The following SPRR2G variants were observed in gnomAD, a reference collection of about 807,000 sequenced individuals.
SPRR2G encodes the protein small proline-rich protein 2G.
Under a neutral mutation model 0.7 loss-of-function variants are expected in SPRR2G, and 1 was observed. The ratio of observed to expected loss-of-function variants is 1.49; its 90% CI spans 0.53 to 7.06. The LOEUF (loss-of-function observed/expected upper bound fraction) is 7.06, where lower values mean the gene tolerates loss of function less well. SPRR2G is among the 30% of genes most tolerant of loss of function. SPRR2G has a pLI of 0.14. For missense variants in SPRR2G, 96 were observed against 88.5 expected (o/e 1.09, Z -0.34); for synonymous variants, 38 against 33.9 (o/e 1.12, Z -0.42).
chr1:153,172,898 T>G, the SPRR2G span, among the ~76,000 whole-genome samples: 3 of 152,314 alleles, frequency 2.0e-5, no homozygotes, highest in African/African-American at 4.8e-5. Flanking sequence ...CAGTGACCAC[T>G]TTTTTCAAGG....
At chr1:153,202,241 A>G in the SPRR2G span, among the ~76,000 whole-genome samples, 2 of 152,282 alleles carry the variant, frequency 1.3e-5, no homozygotes, top group African/African-American at 2.4e-5. Flanking sequence ...GAAACTGCAC[A>G]TGTGACCCAT....
At chr1:153,191,505 A>G in the SPRR2G span, 1 of 152,132 alleles carries the variant, frequency 6.6e-6, no homozygotes. Context: ...AAAAATTAAA[A>G]CTAGAAAATA....
At chr1:153,187,248 C>G in the SPRR2G span, among the ~76,000 whole-genome samples, 10 of 152,134 alleles carry the variant, frequency 6.6e-5, no homozygotes, top group Non-Finnish European at 1.3e-4. Flanking sequence ...GTTGGCCTGC[C>G]TTGCTAGGTT....
At chr1:153,153,981 A>G (rs1557934422), upstream of SPRR2G, among the ~76,000 whole-genome samples, 1 of 152,102 alleles carries the variant, frequency 6.6e-6, no homozygotes, top group East Asian at 1.9e-4. Context: ...TATTATGTTG[A>G]GATACATTTC....
the SPRR2G span, among the ~76,000 whole-genome samples, chr1:153,181,980 T>A: frequency 1.1e-4 from 16 of 152,146 alleles, no homozygotes; most frequent in Non-Finnish European, 7.4e-5. Context: ...TATTTTTAGT[T>A]ATTTCAGAAA....
At chr1:153,166,090 A>G in the SPRR2G span, among the ~76,000 whole-genome samples, 24 of 152,272 alleles carry the variant, frequency 1.6e-4, no homozygotes, top group African/African-American at 5.8e-4. Context: ...AGCCATCCCT[A>G]GTGCCTCACA....
chr1:153,157,508 C>A, the SPRR2G span, among the ~76,000 whole-genome samples: 1 of 152,098 alleles, frequency 6.6e-6, no homozygotes, highest in African/African-American at 2.4e-5. Flanking sequence ...TATATAAAAA[C>A]TCATGCACAT....
chr1:153,172,716 CTG>C, the SPRR2G span, among the ~76,000 whole-genome samples: 1 of 152,182 alleles, frequency 6.6e-6, no homozygotes. Flanking sequence ...AAAAGTTTGA[CTG>C]TGCTTGGGAT....
chr1:153,180,288 A>G, the SPRR2G span, among the ~76,000 whole-genome samples: 1 of 152,106 alleles, frequency 6.6e-6, no homozygotes, highest in East Asian at 1.9e-4. Context: ...GCCCCCAAAC[A>G]TTAACTTTTT....
upstream of SPRR2G, among the ~76,000 whole-genome samples, chr1:153,152,132 G>A (rs1313294393): frequency 2.6e-5 from 4 of 152,186 alleles, no homozygotes; most frequent in East Asian, 7.7e-4. Flanking sequence ...TACATAGTGG[G>A]TCTTCTAAGA....
the SPRR2G span, among the ~76,000 whole-genome samples, chr1:153,160,141 A>C: frequency 6.6e-6 from 1 of 152,232 alleles, no homozygotes; most frequent in Admixed American, 6.5e-5. Flanking sequence ...AACTTCACAT[A>C]ATAGAATCAT....
the SPRR2G span, among the ~76,000 whole-genome samples, chr1:153,168,380 G>A: frequency 6.6e-6 from 1 of 152,170 alleles, no homozygotes; most frequent in Admixed American, 6.5e-5. Context: ...ACTCAGCACA[G>A]AGCTTCAGTT....
the SPRR2G span, among the ~76,000 whole-genome samples, chr1:153,157,492 A>T: frequency 6.6e-6 from 1 of 152,188 alleles, no homozygotes; most frequent in Non-Finnish European, 1.5e-5. Context: ...ATTGAGGTAT[A>T]ATTGATATAT....
At chr1:153,201,157 T>C in the SPRR2G span, among the ~76,000 whole-genome samples, 1 of 152,194 alleles carries the variant, frequency 6.6e-6, no homozygotes, top group Non-Finnish European at 1.5e-5. Flanking sequence ...TCAGTAGTAG[T>C]TCCTTCCAGC....
At chr1:153,182,197 G>A in the SPRR2G span, among the ~76,000 whole-genome samples, 1 of 151,942 alleles carries the variant, frequency 6.6e-6, no homozygotes, top group Non-Finnish European at 1.5e-5. Context: ...TATACTTGTT[G>A]GCCATTTGTA....
the SPRR2G span, among the ~76,000 whole-genome samples, chr1:153,186,782 T>G: frequency 3.0e-4 from 46 of 152,348 alleles, no homozygotes; most frequent in African/African-American, 1.1e-3. Flanking sequence ...TAATACAGAT[T>G]CTTCATAGTG....
At chr1:153,201,882 G>T in the SPRR2G span, among the ~76,000 whole-genome samples, 2 of 152,200 alleles carry the variant, frequency 1.3e-5, no homozygotes, top group Admixed American at 1.3e-4. Flanking sequence ...ACCCAAGAGG[G>T]TTGACTCTAA....
chr1:153,160,926 T>TTATG, the SPRR2G span, among the ~76,000 whole-genome samples: 1 of 150,970 alleles, frequency 6.6e-6, no homozygotes. Context: ...AAATGATGAG[T>TTATG]CCATGTCCTT....
chr1:153,151,473 G>A (rs1401608307), upstream of SPRR2G, among the ~76,000 whole-genome samples: 1 of 152,150 alleles, frequency 6.6e-6, no homozygotes, highest in Non-Finnish European at 1.5e-5. Flanking sequence ...GTATTAATGG[G>A]CTTGAACAAG....
Sources: gnomAD v4.1 joint callset for allele counts (sites outside exome capture counted in the v4.1 genomes callset) on GRCh38, gnomAD v4.1.1 for gene constraint, MANE v1.5 for transcripts, NCBI Gene and HGNC (gene_info 2026-07-23, HGNC 2026-07-21) for gene names.